Variants in TPO observed in about 807,000 individuals in gnomAD.
TPO encodes thyroid peroxidase.
In TPO, 78 loss-of-function variants were observed where a neutral mutation model predicts 96.9. The ratio of observed to expected loss-of-function variants is 0.81; its 90% CI spans 0.67 to 0.97. The LOEUF is 0.97. Among genes scored for constraint, TPO ranks in the 50% least tolerant of loss-of-function variants. The pLI, the probability that TPO is intolerant of heterozygous loss-of-function variation, is 0.00. For synonymous variants in TPO, 547 were observed against 538.0 expected, an observed-to-expected ratio of 1.02 and a Z score of -0.23; for missense variants, 1,252 against 1,274.8, an observed-to-expected ratio of 0.98 and a Z score of 0.27.
At chr2:1,504,263 C>T (rs997403796) in intron 14 of TPO, among the ~76,000 whole-genome samples, 184 bp downstream of exon 14, 1 of 152,218 alleles carries the variant, frequency 6.6e-6, no homozygotes, top group Admixed American at 6.5e-5. Flanking sequence ...GGATGCACTT[C>T]GTGTGCCTGC....
intron 14 of TPO, among the ~76,000 whole-genome samples, chr2:1,511,491 G>A (rs1035883013): frequency 6.8e-6 from 1 of 146,626 alleles, no homozygotes; most frequent in African/African-American, 2.5e-5. Flanking sequence ...CCACAGCGCA[G>A]CCCTGCAGAC....
intron 14 of TPO, among the ~76,000 whole-genome samples, chr2:1,510,148 GCAGCTC>G (rs1225129083): frequency 6.6e-6 from 1 of 151,902 alleles, no homozygotes; most frequent in Non-Finnish European, 1.5e-5. Context: ...ATTAGAAACA[GCAGCTC>G]TTGCATTCAG....
intron 5 of TPO, among the ~76,000 whole-genome samples, chr2:1,439,763 C>A (rs1483808449): frequency 1.3e-5 from 2 of 152,080 alleles, no homozygotes; most frequent in Admixed American, 1.3e-4. Context: ...CCTCTGATGC[C>A]CCACTGTGAG....
chr2:1,393,768 A>G (rs1055939010), intron 1 of TPO, among the ~76,000 whole-genome samples: 2 of 152,282 alleles, frequency 1.3e-5, no homozygotes, highest in Non-Finnish European at 2.9e-5. Flanking sequence ...TTATTGGAGT[A>G]CAAATAATGT....
chr2:1,442,574 A>T (rs772421623), intron 5 of TPO, among the ~76,000 whole-genome samples: 1 of 152,240 alleles, frequency 6.6e-6, no homozygotes, highest in Non-Finnish European at 1.5e-5. Context: ...AGATTGATAC[A>T]TGTGATAAGA....
Position 1,496,128 on chromosome 2 carries a change from G to A in TPO, c.2146G>A (p.Glu716Lys), listed in dbSNP as rs138891531. The A allele has an allele frequency of 8.2e-5, 133 of 1,614,106 alleles. 1 individual carries two copies. The highest frequency in any genetic ancestry group is 6.7e-5 in the African/African-American group (5 of 75,044). Residue 716 changes from glutamate (E) to lysine (K), a missense_variant, in exon 12 of 17, where the codon GAA becomes AAA. Coordinates refer to ENST00000329066, the MANE Select transcript of TPO (RefSeq NM_001206744.2). ...TGCCTTCCAAGTCGGCAAATTCCCC[G>A]AAGACTTTGAGTCTTGTGACAGCAT... ...MDAFQVGKFP[E>K]DFESCDSITG... is the part of the protein sequence containing the mutation.
chr2:1,529,709 C>T (rs1254990653), intron 15 of TPO, among the ~76,000 whole-genome samples: 2 of 84,522 alleles, frequency 2.4e-5, no homozygotes, highest in African/African-American at 5.2e-5. Context: ...CTGCGTGCAA[C>T]CTCCTCAAAT....
At chr2:1,503,192 G>T (rs571234062) in intron 13 of TPO, among the ~76,000 whole-genome samples, 11 of 152,264 alleles carry the variant, frequency 7.2e-5, no homozygotes, top group African/African-American at 2.6e-4. Context: ...GTGCAGGGAG[G>T]TTGCTGCCTC....
chr2:1,452,002 T>C (rs1473278508), intron 5 of TPO, among the ~76,000 whole-genome samples: 1 of 152,230 alleles, frequency 6.6e-6, no homozygotes, highest in East Asian at 1.9e-4. Flanking sequence ...GTTATATATT[T>C]GATACATTCA....
At chr2:1,493,209 T>TG (rs3036079) in intron 10 of TPO, among the ~76,000 whole-genome samples, 2,912 of 17,436 alleles carry the variant, frequency 0.17, 153 homozygotes, top group Middle Eastern at 0.26. Context: ...TGTGAGTGGG[T>TG]GGGGGGGGGG....
At chr2:1,428,837 G>T (rs1456347659) in intron 3 of TPO, among the ~76,000 whole-genome samples, 1 of 152,122 alleles carries the variant, frequency 6.6e-6, no homozygotes, top group African/African-American at 2.4e-5. Context: ...GAGTCCTGGG[G>T]AACCTGCACA....
At chr2:1,425,992 G>A (rs1409270763) in intron 3 of TPO, among the ~76,000 whole-genome samples, 1 of 147,862 alleles carries the variant, frequency 6.8e-6, no homozygotes, top group Non-Finnish European at 1.5e-5. Flanking sequence ...CATTGTTCTA[G>A]ATGCCAGGAT....
rs1663927780 is a variant in TPO at position 1,422,975 on chromosome 2, A to G, written c.95-70A>G. On this transcript the variant is annotated intron_variant, in intron 2 of 16. Transcript: ENST00000329066. Reference sequence around the variant, plus strand: ...CACCGCAGCAAGATGGGCTTGAGGAACAAAGCAACACTGTCAGTGAATCGC... The same window carrying G: ...CACCGCAGCAAGATGGGCTTGAGGAGCAAAGCAACACTGTCAGTGAATCGC... 2.6e-6 allele frequency: 4 copies of G among 1,543,868 alleles called. No homozygotes were observed. In the South Asian group the frequency reaches 3.4e-5, roughly 13 times the overall value.
intron 1 of TPO, among the ~76,000 whole-genome samples, chr2:1,395,031 G>GAA (rs34290246): frequency 3.6e-4 from 49 of 137,454 alleles, no homozygotes; most frequent in African/African-American, 1.2e-3. Flanking sequence ...TTTCTAGGAT[G>GAA]AAAAAAAATT....
chr2:1,474,830 G>C (rs931019583), intron 7 of TPO, among the ~76,000 whole-genome samples: 2 of 152,114 alleles, frequency 1.3e-5, no homozygotes, highest in Middle Eastern at 3.2e-3. Context: ...TTCCACACTG[G>C]GTTGTGAAGC....
At chr2:1,382,760 G>T (rs188835976) in intron 1 of TPO, among the ~76,000 whole-genome samples, 1,555 of 151,666 alleles carry the variant, frequency 0.01, 13 homozygotes, top group Middle Eastern at 0.017. Flanking sequence ...TAAGCTCTAG[G>T]GTACATGTGC....
At chr2:1,400,585 A>G (rs1260656274) in intron 1 of TPO, among the ~76,000 whole-genome samples, 23 of 148,770 alleles carry the variant, frequency 1.5e-4, no homozygotes, top group Non-Finnish European at 2.5e-4. Context: ...AAAAAAAAAA[A>G]AAAGAAATAT....
At chr2:1,491,166 T>C (rs1671736662) in intron 10 of TPO, among the ~76,000 whole-genome samples, 1 of 149,980 alleles carries the variant, frequency 6.7e-6, no homozygotes, top group African/African-American at 2.5e-5. Context: ...CGAGACTCAG[T>C]CAAAAAAAAA....
At position 1,496,126 on chromosome 2, in the gene TPO, C is replaced by T; in HGVS notation, c.2144C>T (p.Pro715Leu). Residue 715 changes from proline to leucine, a missense_variant, in exon 12 of 17, where the codon CCC becomes CTC. Coordinates refer to ENST00000329066, the MANE Select transcript of TPO (RefSeq NM_001206744.2). Reference protein sequence around the residue: ...PMDAFQVGKFPEDFESCDSIT... With the variant: ...PMDAFQVGKFLEDFESCDSIT... The stretch of plus-strand genomic sequence containing the variant: ...GATGCCTTCCAAGTCGGCAAATTCC[C>T]CGAAGACTTTGAGTCTTGTGACAGC... 1 of 1,614,116 alleles carries T rather than the reference C, an allele frequency of 6.2e-7. No homozygotes were observed. The highest frequency in any genetic ancestry group is 8.5e-7 in the Non-Finnish European group (1 of 1,180,008).
Sources: gnomAD v4.1 joint callset for allele counts (sites outside exome capture counted in the v4.1 genomes callset) on GRCh38, gnomAD v4.1.1 for gene constraint, MANE v1.5 for transcripts, NCBI Gene and HGNC (gene_info 2026-07-23, HGNC 2026-07-21) for gene names.